ADARB1: variants seen among roughly 807,000 people sequenced by gnomAD.
ADARB1 encodes double-stranded RNA-specific editase 1.
ADARB1 carries 10 observed loss-of-function variants against 52.4 expected under a neutral mutation model. The observed-to-expected ratio is 0.19, with a 90% CI of 0.12 to 0.32. The LOEUF (loss-of-function observed/expected upper bound fraction) is 0.32. ADARB1 is among the 10% of genes least tolerant of loss of function. The probability of loss-of-function intolerance (pLI) is 1.00; values close to 1 mark genes in which losing one functional copy is unlikely to be tolerated. For synonymous variants in ADARB1, 349 were observed against 371.1 expected (o/e 0.94, Z 0.68); for missense variants, 643 against 922.3 (o/e 0.70, Z 3.92).
chr21:45,082,512 C>G (rs2086192547), intron 1 of ADARB1, among the ~76,000 whole-genome samples: 1 of 152,202 alleles, frequency 6.6e-6, no homozygotes, highest in African/African-American at 2.4e-5. Flanking sequence ...GTAGAACTGG[C>G]TCTTCTTCAG....
intron 1 of ADARB1, among the ~76,000 whole-genome samples, chr21:45,096,066 T>G (rs1159464830): frequency 6.6e-6 from 1 of 152,266 alleles, no homozygotes; most frequent in African/African-American, 2.4e-5. Flanking sequence ...AGTGGCTGAC[T>G]GGCCAAGCGG....
At chr21:45,102,269 A>G (rs543243237) in intron 1 of ADARB1, among the ~76,000 whole-genome samples, 37 of 152,308 alleles carry the variant, frequency 2.4e-4, no homozygotes, top group African/African-American at 8.4e-4. Flanking sequence ...TATCAGCACA[A>G]GGGTTTAAAA....
intron 1 of ADARB1, among the ~76,000 whole-genome samples, chr21:45,127,851 G>C (rs927111410): frequency 1.1e-4 from 16 of 152,102 alleles, no homozygotes; most frequent in Admixed American, 3.9e-4. Flanking sequence ...AATTATATTA[G>C]CATGTTGAAA....
rs1491110711 is a variant in ADARB1, at chr21:45,109,330, ATG to A, written c.-219-19065_-219-19064del. ...CACGTGTGTGCGCGCGTGTGCGTAT[ATG>A]TGTGTGCACGTGTGTGTCCCCATGA... On this transcript the variant is annotated intron_variant, in intron 1 of 10. Transcript: ENST00000348831. Among the ~76,000 whole-genome samples the A allele has an allele frequency of 1.8e-4, 27 of 152,066 alleles. 1 individual carries two copies. The highest frequency in any genetic ancestry group is 6.0e-4 in the African/African-American group (25 of 41,386).
intron 1 of ADARB1, among the ~76,000 whole-genome samples, chr21:45,119,086 G>A (rs2087995061): frequency 6.6e-6 from 1 of 152,128 alleles, no homozygotes. Context: ...TTAATTAAAA[G>A]CCCTTTTAAT....
At chr21:45,144,513 G>A (rs1226460020) in intron 2 of ADARB1, 2 of 279,638 alleles carry the variant, frequency 7.2e-6, no homozygotes, top group Non-Finnish European at 1.4e-5. Flanking sequence ...TAAACTGTCA[G>A]TTTAATCATC....
chr21:45,145,781 A>G (rs1381584472), intron 2 of ADARB1: 1 of 152,364 alleles, frequency 6.6e-6, no homozygotes, highest in African/African-American at 2.4e-5. Context: ...TTACCGTGGT[A>G]TCTTTCACAA....
rs796390263 is a variant in ADARB1 at position 45,172,032 on chromosome 21, G to GTCTGAGAT, written c.28+350_28+357dup. Reference sequence around the variant, plus strand: ...TTCACACATACAAATCGAAGATAACGTCTGAGATTGATTTAAATACCCAGG... The same window carrying GTCTGAGAT: ...TTCACACATACAAATCGAAGATAACGTCTGAGATTCTGAGATTGATTTAAATACCCAGG... On this transcript the variant is annotated intron_variant, in intron 3 of 10. Transcript: ENST00000348831. The surrounding 1 kb of genome is among the most constrained non-coding windows in gnomAD (Gnocchi z 4.4). Among the ~76,000 whole-genome samples, 15 of 152,262 alleles carry GTCTGAGAT rather than the reference G, an allele frequency of 9.9e-5. No individual in the cohort carries two copies. The highest frequency in any genetic ancestry group is 3.6e-4 in the African/African-American group (15 of 41,552).
At chr21:45,091,911 T>A (rs1021510407) in intron 1 of ADARB1, among the ~76,000 whole-genome samples, 1 of 152,262 alleles carries the variant, frequency 6.6e-6, no homozygotes, top group African/African-American at 2.4e-5. Context: ...GATTTCTGCT[T>A]TTTTAATCCT....
chr21:45,225,893 C>T lies in ADARB1; in HGVS notation c.*3696C>T. 2 of 249,294 alleles carry T rather than the reference C, an allele frequency of 8.0e-6. No individual in the cohort carries two copies. 15.4% of individuals were successfully genotyped at this position (249,294 alleles called of 1,614,324 possible). A position where few individuals can be genotyped will look rare whatever the true frequency, so the allele number is the denominator to read the frequency against. On this transcript the variant is annotated 3_prime_UTR_variant, in exon 11 of 11. Transcript: ENST00000348831. ...GCCCCCTAGCGTGTTTTGTGACAAT[C>T]TCCCTGGGTGAGGAGTGGGTGCACC...
chr21:45,225,454 T>A lies in ADARB1; in HGVS notation c.*3257T>A. 1 of 1,307,832 alleles carries A rather than the reference T, an allele frequency of 7.6e-7. No individual in the cohort carries two copies. Among genetic ancestry groups the A allele is most frequent in the Non-Finnish European group, 9.8e-7 (1 of 1,021,344 alleles). The allele number at this position is 1,307,832 out of a possible 1,614,324, so 81.0% of individuals were successfully genotyped here. ...TCACAAGGCATGGATTTCTGTGGAA[T>A]TTATTTTTATTCAAATAACCATATT... On this transcript the variant is annotated 3_prime_UTR_variant, in exon 11 of 11. Coordinates refer to ENST00000348831, the MANE Select transcript of ADARB1 (RefSeq NM_001112.4).
chr21:45,211,938 T>C (rs1412251133), intron 9 of ADARB1, among the ~76,000 whole-genome samples: 1 of 152,226 alleles, frequency 6.6e-6, no homozygotes, highest in Non-Finnish European at 1.5e-5. Flanking sequence ...AAAAAGCGTA[T>C]GGTTAGTATT....
At chr21:45,077,947 A>C (rs983248877) in intron 1 of ADARB1, among the ~76,000 whole-genome samples, 9 of 152,214 alleles carry the variant, frequency 5.9e-5, no homozygotes, top group African/African-American at 2.2e-4. Flanking sequence ...GCAGTAGCCC[A>C]CAGAGGTCTT....
intron 2 of ADARB1, among the ~76,000 whole-genome samples, chr21:45,148,320 G>A (rs906950970): frequency 6.6e-6 from 1 of 152,234 alleles, no homozygotes; most frequent in Non-Finnish European, 1.5e-5. Flanking sequence ...CTGATTGCCC[G>A]TGGGTGTCAG....
At chr21:45,127,933 A>G (rs1052932973) in intron 1 of ADARB1, among the ~76,000 whole-genome samples, 2 of 152,236 alleles carry the variant, frequency 1.3e-5, no homozygotes, top group African/African-American at 2.4e-5. Context: ...ATACTGTTTC[A>G]CAACCTCTGC....
At chr21:45,134,074 C>T (rs993237753) in intron 2 of ADARB1, among the ~76,000 whole-genome samples, 2 of 69,362 alleles carry the variant, frequency 2.9e-5, no homozygotes, top group African/African-American at 5.9e-5. Flanking sequence ...TGTGTGCGCC[C>T]GCCGGGTGTG....
chr21:45,134,300 G>A (rs2089209058), intron 2 of ADARB1, among the ~76,000 whole-genome samples: 1 of 128,096 alleles, frequency 7.8e-6, no homozygotes, highest in Non-Finnish European at 1.6e-5. Context: ...GTGTGTGCCC[G>A]ACAGTGGTGT....
chr21:45,173,816 A>G (rs200037620), intron 3 of ADARB1, among the ~76,000 whole-genome samples: 1 of 151,954 alleles, frequency 6.6e-6, no homozygotes, highest in Admixed American at 6.6e-5. Flanking sequence ...TTTAGTGTCC[A>G]TTCCATCAGC....
chr21:45,098,234 C>T (rs2086848770), intron 1 of ADARB1, among the ~76,000 whole-genome samples: 1 of 151,954 alleles, frequency 6.6e-6, no homozygotes, highest in Non-Finnish European at 1.5e-5. Flanking sequence ...ACTTCCTCCT[C>T]ACCCCACGGC....
Sources: allele counts gnomAD v4.1 joint callset (sites outside exome capture counted in the v4.1 genomes callset), GRCh38; gene constraint gnomAD v4.1.1; non-coding constraint Gnocchi (gnomAD v3.1); transcripts MANE v1.5; gene names NCBI Gene and HGNC (gene_info 2026-07-23, HGNC 2026-07-21).